Variants in PHF20 observed in about 807,000 individuals in gnomAD.
PHF20 encodes glioma-expressed antigen 2.
In PHF20, 23 loss-of-function variants were observed where a neutral mutation model predicts 113.5. The observed-to-expected ratio is 0.20, with a 90% CI of 0.15 to 0.29. The LOEUF (loss-of-function observed/expected upper bound fraction) is 0.29, where lower values mean the gene tolerates loss of function less well. Ranked by LOEUF, PHF20 falls within the 10% of genes least tolerant of loss-of-function variation. The probability of loss-of-function intolerance (pLI) is 1.00; values close to 1 mark genes in which losing one functional copy is unlikely to be tolerated. For missense variants in PHF20, 943 were observed against 1,219.6 expected, an observed-to-expected ratio of 0.77 and a Z score of 3.38; for synonymous variants, 434 against 457.3, an observed-to-expected ratio of 0.95 and a Z score of 0.65.
rs757090074 is a variant in PHF20 at position 35,927,897 on chromosome 20, C to T, written c.2104+18C>T. ...CCCTCCAGGTAGAGATTTCTGGAGT[C>T]AGGGATATAACAGTATGTAGCCTTT... is the stretch of plus-strand genomic sequence containing the variant. On this transcript the variant is annotated intron_variant, in intron 14 of 17. Coordinates refer to ENST00000374012, the MANE Select transcript of PHF20 (RefSeq NM_016436.5). 1.3e-6 allele frequency: 2 copies of T among 1,534,906 alleles called. No individual in the cohort carries two copies. Among genetic ancestry groups the T allele is most frequent in the Non-Finnish European group, 1.8e-6 (2 of 1,107,706 alleles).
intron 12 of PHF20, among the ~76,000 whole-genome samples, chr20:35,916,260 C>A (rs913496686): frequency 6.6e-6 from 1 of 152,248 alleles, no homozygotes; most frequent in Non-Finnish European, 1.5e-5. Flanking sequence ...TGCTGCCACA[C>A]ACCTTCAATT....
rs772655513 is a variant in PHF20 at position 35,863,491 on chromosome 20, G to T, written c.808+91G>T. 3.9e-6 allele frequency: 5 copies of T among 1,273,980 alleles called. No homozygotes were observed. In the African/African-American group the frequency reaches 6.0e-5, roughly 15 times the overall value. The allele number at this position is 1,273,980 out of a possible 1,614,324, so 78.9% of individuals were successfully genotyped here. ...TCTTTGTAACTTGTGTACGTCAATC[G>T]TTTATTTTTGTGACTGATTTTGAAT... On this transcript the variant is annotated intron_variant, in intron 6 of 17. Coordinates refer to ENST00000374012, the MANE Select transcript of PHF20 (RefSeq NM_016436.5).
chr20:35,871,738 G>C lies in PHF20; in HGVS notation c.1191G>C (p.Leu397Phe). ...GGGATGGATCCGGGGCTGCAGGCTT[G>C]GAGTTGAACTGCCCATCAATGGGAG... ...SFGDGSGAAG[L>F]ELNCPSMGEN... Residue 397 changes from leucine (L) to phenylalanine (F), a missense_variant, in exon 9 of 18, where the codon TTG becomes TTC. Physicochemically the swap from Leu to Phe is conservative, Grantham distance 22. Transcript: ENST00000374012. The C allele has an allele frequency of 6.2e-7, 1 of 1,613,916 alleles. No homozygotes were observed. The highest frequency in any genetic ancestry group is 2.2e-5 in the East Asian group (1 of 44,886).
At chr20:35,831,707 C>G (rs2042360978) in intron 2 of PHF20, among the ~76,000 whole-genome samples, 1 of 152,190 alleles carries the variant, frequency 6.6e-6, no homozygotes, top group African/African-American at 2.4e-5. Context: ...TCTGAAAGCA[C>G]TGGGATTACA....
chr20:35,891,434 A>G (rs2054857330), intron 9 of PHF20, among the ~76,000 whole-genome samples: 1 of 152,176 alleles, frequency 6.6e-6, no homozygotes, highest in African/African-American at 2.4e-5. Flanking sequence ...AAAAAGGAAT[A>G]AACAAAACCA....
chr20:35,808,475 T>C (rs897253469), intron 2 of PHF20, among the ~76,000 whole-genome samples: 1 of 152,148 alleles, frequency 6.6e-6, no homozygotes, highest in Non-Finnish European at 1.5e-5. Flanking sequence ...GCTGGAAGTT[T>C]TTTTTTTTTC....
At chr20:35,809,659 G>A (rs1178739654) in intron 2 of PHF20, among the ~76,000 whole-genome samples, 5 of 151,690 alleles carry the variant, frequency 3.3e-5, no homozygotes, top group African/African-American at 1.2e-4. Context: ...TGAGGTGGGA[G>A]GATTGATTGA....
intron 13 of PHF20, among the ~76,000 whole-genome samples, chr20:35,920,042 C>T (rs751246776): frequency 2.5e-4 from 38 of 152,314 alleles, no homozygotes; most frequent in South Asian, 6.2e-4. Context: ...GCTTTCATTA[C>T]AAGTACAGCC....
chr20:35,790,893 C>G (rs1376763775), intron 1 of PHF20, among the ~76,000 whole-genome samples: 1 of 152,132 alleles, frequency 6.6e-6, no homozygotes, highest in Non-Finnish European at 1.5e-5. Flanking sequence ...GAGCCTTGCT[C>G]TGTTGCCCAG....
chr20:35,808,604 C>T (rs887274735), intron 2 of PHF20, among the ~76,000 whole-genome samples: 9 of 151,776 alleles, frequency 5.9e-5, no homozygotes, highest in Admixed American at 4.6e-4. Flanking sequence ...GACGGAGTCT[C>T]GCCCTGTCTC....
chr20:35,902,126 C>T (rs2055109098), intron 10 of PHF20, among the ~76,000 whole-genome samples: 2 of 152,142 alleles, frequency 1.3e-5, no homozygotes, highest in Admixed American at 6.5e-5. Context: ...TGTGAGCTCT[C>T]TAGCTGGATT....
At chr20:35,857,576 T>TTTTTTTTTTTG (rs2042858532) in intron 4 of PHF20, among the ~76,000 whole-genome samples, 1 of 128,380 alleles carries the variant, frequency 7.8e-6, no homozygotes, top group Non-Finnish European at 1.6e-5. Context: ...TTTTTTTTTT[T>TTTTTTTTTTTG]TTTTTTTTTT....
intron 3 of PHF20, among the ~76,000 whole-genome samples, chr20:35,846,182 A>ATT (rs568517729): frequency 2.1e-5 from 3 of 143,114 alleles, no homozygotes; most frequent in Non-Finnish European, 3.1e-5. Context: ...CATTCTACAA[A>ATT]TTTTTTTTTT....
chr20:35,811,937 A>G (rs1390696739), intron 2 of PHF20, among the ~76,000 whole-genome samples: 1 of 147,704 alleles, frequency 6.8e-6, no homozygotes, highest in Non-Finnish European at 1.5e-5. Flanking sequence ...CGCCCGGCTA[A>G]TTTTTTTGTA....
chr20:35,886,500 A>G (rs1357552840), intron 9 of PHF20, among the ~76,000 whole-genome samples: 1 of 152,208 alleles, frequency 6.6e-6, no homozygotes, highest in Non-Finnish European at 1.5e-5. Context: ...AAAATATTTT[A>G]TTCATTATAT....
At chr20:35,779,589 G>A (rs753114242) in intron 1 of PHF20, among the ~76,000 whole-genome samples, 2 of 151,464 alleles carry the variant, frequency 1.3e-5, no homozygotes, top group East Asian at 1.9e-4. Flanking sequence ...GTGCAACCTC[G>A]GCACACTGCA....
intron 1 of PHF20, among the ~76,000 whole-genome samples, chr20:35,780,545 T>C (rs56754543): frequency 1.5e-3 from 157 of 101,638 alleles, no homozygotes; most frequent in African/African-American, 5.8e-3. Context: ...TTCTTTTTTT[T>C]CTTTTCTTTT....
At chr20:35,795,075 C>T (rs1052466332) in intron 1 of PHF20, among the ~76,000 whole-genome samples, 4 of 151,616 alleles carry the variant, frequency 2.6e-5, no homozygotes, top group Admixed American at 2.6e-4. Flanking sequence ...TCCTGTAATC[C>T]CAGCTACTTG....
At chr20:35,897,593 G>A (rs6058349) in intron 9 of PHF20, among the ~76,000 whole-genome samples, 9,567 of 135,030 alleles carry the variant, frequency 0.071, 534 homozygotes, top group South Asian at 0.18. Context: ...CTGAGACGGG[G>A]TCTTGCTCTG....
Sources: allele counts gnomAD v4.1 joint callset (sites outside exome capture counted in the v4.1 genomes callset), GRCh38; gene constraint gnomAD v4.1.1; transcripts MANE v1.5; gene names NCBI Gene and HGNC (gene_info 2026-07-23, HGNC 2026-07-21).